The following ADGRV1 variants were observed in gnomAD, a reference collection of about 807,000 sequenced individuals.
The protein encoded by ADGRV1 is adhesion G protein-coupled receptor V1.
In ADGRV1, 359 loss-of-function variants were observed where a neutral mutation model predicts 596.2. The observed-to-expected ratio is 0.60, with a 90% CI of 0.55 to 0.66. The LOEUF is 0.66. ADGRV1 is among the 30% of genes least tolerant of loss of function. ADGRV1 has a pLI of 0.00. For synonymous variants in ADGRV1, 2,681 were observed against 2,679.2 expected, an observed-to-expected ratio of 1.00 and a Z score of -0.02; for missense variants, 7,274 against 7,575.6, an observed-to-expected ratio of 0.96 and a Z score of 1.48.
At chr5:90,910,387 C>G (rs1422823294) in intron 83 of ADGRV1, among the ~76,000 whole-genome samples, 1 of 152,130 alleles carries the variant, frequency 6.6e-6, no homozygotes, top group Non-Finnish European at 1.5e-5. Flanking sequence ...AAGAACCTCA[C>G]CCTAAGTGTA....
In ADGRV1 at chr5:90,696,953, A is replaced by G. The variant is rs1379068678; in HGVS notation, c.7962A>G (p.Thr2654=). ...TTTTTATAGGTGAAACCAAAAAGAC[A>G]GTCATTTTAACCATCTTGGATGACT... is the stretch of plus-strand genomic sequence containing the variant. ...LTFAEGETKK[T]VILTILDDSE... is the part of the protein sequence containing the mutation. Residue 2654 remains threonine (T), a synonymous_variant, in exon 34 of 90, where the codon ACA becomes ACG. Transcript: ENST00000405460. 6.2e-7 allele frequency: 1 copy of G among 1,610,916 alleles called. No homozygotes were observed. The highest frequency in any genetic ancestry group is 1.7e-5 in the Admixed American group (1 of 59,842).
intron 63 of ADGRV1, 104 bp from the exon 64 acceptor site, chr5:90,778,761 T>C (rs968133381): frequency 1.9e-5 from 21 of 1,084,756 alleles, no homozygotes; most frequent in Admixed American, 1.3e-4. Context: ...TATAACCTTA[T>C]ATGTAATTTT....
In ADGRV1 at chr5:90,773,565, G is replaced by A. The variant is rs529193465; in HGVS notation, c.12286-621G>A. On this transcript the variant is annotated intron_variant, in intron 59 of 89. Coordinates refer to ENST00000405460, the MANE Select transcript of ADGRV1 (RefSeq NM_032119.4). ...AACAAGTGGAACTGATATGAGTAAA[G>A]ATAAAAACAAAATCTTAAAGGTGAA... is the stretch of plus-strand genomic sequence containing the variant. 3.3e-4 allele frequency among the ~76,000 whole-genome samples: 51 copies of A among 152,248 alleles called. 1 individual carries two copies. Among genetic ancestry groups the A allele is most frequent in the Middle Eastern group, 3.4e-3 (1 of 294 alleles).
At chr5:90,633,721 G>A (rs187154586) in intron 9 of ADGRV1, among the ~76,000 whole-genome samples, 131 of 151,998 alleles carry the variant, frequency 8.6e-4, no homozygotes, top group African/African-American at 3.1e-3. Flanking sequence ...GGTAAATGCA[G>A]TATACTAAAG....
chr5:90,853,588 A>G lies in ADGRV1; in HGVS notation c.17454+55A>G, dbSNP rs1467037823. 5 of 1,530,590 alleles carry G rather than the reference A, an allele frequency of 3.3e-6. No individual in the cohort carries two copies. In the East Asian group the frequency reaches 1.2e-4, roughly 35 times the overall value. 94.8% of individuals were successfully genotyped at this position (1,530,590 alleles called of 1,614,324 possible). Reference sequence around the variant, plus strand: ...TTGGAATCTGATTTATTTCTTTAGCAGGCACACTTGGAATGCATTTGTTTG... The same window carrying G: ...TTGGAATCTGATTTATTTCTTTAGCGGGCACACTTGGAATGCATTTGTTTG... On this transcript the variant is annotated intron_variant, in intron 80 of 89. Coordinates refer to ENST00000405460, the MANE Select transcript of ADGRV1 (RefSeq NM_032119.4).
intron 76 of ADGRV1, 146 bp downstream of exon 76, chr5:90,823,742 C>T (rs1384367188): frequency 5.4e-5 from 35 of 654,200 alleles, no homozygotes; most frequent in Admixed American, 9.5e-5. Flanking sequence ...ATCTCTTTGC[C>T]GACAACAGGC....
intron 85 of ADGRV1, among the ~76,000 whole-genome samples, chr5:90,997,954 T>C (rs1781552878): frequency 6.6e-6 from 1 of 152,306 alleles, no homozygotes; most frequent in East Asian, 1.9e-4. Flanking sequence ...AGTCTATGAA[T>C]GTGTGTCTCA....
chr5:91,143,369 T>C (rs1381317148), intron 87 of ADGRV1, among the ~76,000 whole-genome samples: 6 of 152,212 alleles, frequency 3.9e-5, no homozygotes, highest in Non-Finnish European at 8.8e-5. Flanking sequence ...TTCCAAGTTC[T>C]TGTCCCATGC....
At chr5:91,013,424 A>G (rs1003935569) in intron 85 of ADGRV1, among the ~76,000 whole-genome samples, 3 of 152,074 alleles carry the variant, frequency 2.0e-5, no homozygotes, top group African/African-American at 7.2e-5. Flanking sequence ...GTAAGATGGT[A>G]TCTCATTGTG....
chr5:91,163,118 GA>G lies in ADGRV1; in HGVS notation c.18803-655del, dbSNP rs886451712. Among the ~76,000 whole-genome samples the G allele has an allele frequency of 4.6e-5, 7 of 151,528 alleles. No individual in the cohort carries two copies. The East Asian group carries it at 9.7e-4, about 21-fold the overall frequency. ...GTTTTTTCTCAATTATCTGAGTTGT[GA>G]AAAAAAAAGTAATGAATAGTGGAGC... On this transcript the variant is annotated intron_variant, in intron 89 of 89. Coordinates refer to ENST00000405460, the MANE Select transcript of ADGRV1 (RefSeq NM_032119.4).
intron 86 of ADGRV1, among the ~76,000 whole-genome samples, chr5:91,075,114 T>C (rs765679996): frequency 6.6e-6 from 1 of 152,134 alleles, no homozygotes; most frequent in Non-Finnish European, 1.5e-5. Context: ...TTTGCAAAAA[T>C]TTTCTCCCAT....
intron 86 of ADGRV1, among the ~76,000 whole-genome samples, chr5:91,092,263 T>A (rs1210397730): frequency 6.6e-6 from 1 of 152,084 alleles, no homozygotes; most frequent in Non-Finnish European, 1.5e-5. Context: ...CCAGGCTGGC[T>A]AATTTTTGTA....
rs114528775 is a variant in ADGRV1, at chr5:90,954,214, C to T, written c.17857-11201C>T. Among the ~76,000 whole-genome samples, 671 of 147,028 alleles carry T rather than the reference C, an allele frequency of 4.6e-3. 4 individuals carry two copies. Among genetic ancestry groups the T allele is most frequent in the African/African-American group, 0.016 (644 of 40,058 alleles). On this transcript the variant is annotated intron_variant, in intron 83 of 89. Transcript: ENST00000405460. ...CATCCTATTTATAAAGATTAAAAAGCCTGTGGGTGAGAGTGGGGGATGAAA... is the reference window on the plus strand; with the variant it reads ...CATCCTATTTATAAAGATTAAAAAGTCTGTGGGTGAGAGTGGGGGATGAAA...
chr5:90,787,994 AC>A (rs1309126725), intron 67 of ADGRV1, 76 bp from the exon 68 acceptor site: 56 of 1,028,576 alleles, frequency 5.4e-5, no homozygotes, highest in Non-Finnish European at 7.6e-5. Context: ...TTTTCTTAAT[AC>A]TAGATACCCT....
chr5:90,677,948 A>G (rs1242581253), intron 25 of ADGRV1, among the ~76,000 whole-genome samples: 4 of 152,154 alleles, frequency 2.6e-5, no homozygotes, highest in Non-Finnish European at 4.4e-5. Context: ...TTTGACTATA[A>G]AACTGATGAA....
chr5:91,087,619 A>G (rs1439015230), intron 86 of ADGRV1, among the ~76,000 whole-genome samples: 3 of 152,230 alleles, frequency 2.0e-5, no homozygotes, highest in Non-Finnish European at 2.9e-5. Flanking sequence ...CATTTTATCT[A>G]TCACATTTTA....
intron 4 of ADGRV1, among the ~76,000 whole-genome samples, chr5:90,622,126 A>G (rs1285514964): frequency 6.6e-6 from 1 of 152,132 alleles, no homozygotes; most frequent in African/African-American, 2.4e-5. Flanking sequence ...TCCTGCAGAG[A>G]TCCTGTCCTG....
At chr5:90,929,443 G>A (rs1581548727) in intron 83 of ADGRV1, 1 of 152,892 alleles carries the variant, frequency 6.5e-6, no homozygotes, top group South Asian at 2.0e-4. Context: ...GGAACTCCCT[G>A]ACCCCTTGCG....
rs1397064856 is a variant in ADGRV1 at position 90,696,956 on chromosome 5, C to G, written c.7965C>G (p.Val2655=). 1.2e-6 allele frequency: 2 copies of G among 1,610,548 alleles called. No individual in the cohort carries two copies. Among genetic ancestry groups the G allele is most frequent in the South Asian group, 1.1e-5 (1 of 90,508 alleles). Reference sequence around the variant, plus strand: ...TTATAGGTGAAACCAAAAAGACAGTCATTTTAACCATCTTGGATGACTCTG... The same window carrying G: ...TTATAGGTGAAACCAAAAAGACAGTGATTTTAACCATCTTGGATGACTCTG... ...TFAEGETKKT[V]ILTILDDSEP... The change falls in exon 34 of 90, where the codon GTC becomes GTG. Residue 2655 remains valine (V), a synonymous_variant. Transcript: ENST00000405460.
Sources: gnomAD v4.1 joint callset for allele counts (sites outside exome capture counted in the v4.1 genomes callset) on GRCh38, gnomAD v4.1.1 for gene constraint, MANE v1.5 for transcripts, NCBI Gene and HGNC (gene_info 2026-07-23, HGNC 2026-07-21) for gene names.